Variants in DNALI1 observed in about 807,000 individuals in gnomAD.
DNALI1 encodes the protein dynein axonemal light intermediate chain 1, also known as axonemal dynein light intermediate polypeptide 1.
DNALI1 carries 31 observed loss-of-function variants against 33.9 expected under a neutral mutation model. The ratio of observed to expected loss-of-function variants is 0.91; its 90% CI spans 0.69 to 1.23. The LOEUF (loss-of-function observed/expected upper bound fraction) is 1.23. Ranked by LOEUF, DNALI1 falls within the 50% of genes most tolerant of loss-of-function variation. The pLI is 0.00. For synonymous variants in DNALI1, 117 were observed against 129.2 expected (o/e 0.91, Z 0.64); for missense variants, 305 against 323.8 (o/e 0.94, Z 0.44).
intron 2 of DNALI1, among the ~76,000 whole-genome samples, chr1:37,558,554 T>C (rs1557632156): frequency 6.6e-6 from 1 of 152,216 alleles, no homozygotes; most frequent in African/African-American, 2.4e-5. Flanking sequence ...TCTCCTGTTA[T>C]TCTGTTTCTT....
At position 37,566,576 on chromosome 1, in the gene DNALI1, A is replaced by C. The variant is rs1247040249; in HGVS notation, c.*1515A>C. On this transcript the variant is annotated 3_prime_UTR_variant, in exon 6 of 6. Transcript: ENST00000652629. The stretch of plus-strand genomic sequence containing the variant: ...AACGAAATACCACCCTTTCCATTTT[A>C]TAGACCTCATCCCCTATTTCTGTCA... 1 of 376,232 alleles carries C rather than the reference A, an allele frequency of 2.7e-6. No individual in the cohort carries two copies. Among genetic ancestry groups the C allele is most frequent in the Non-Finnish European group, 4.7e-6 (1 of 211,682 alleles). 23.3% of individuals were successfully genotyped at this position (376,232 alleles called of 1,614,324 possible). A position where few individuals can be genotyped will look rare whatever the true frequency, so the allele number is the denominator to read the frequency against.
chr1:37,561,405 C>T lies in DNALI1; in HGVS notation c.398-152C>T. 1.0e-6 allele frequency: 1 copy of T among 976,520 alleles called. No homozygotes were observed. The highest frequency in any genetic ancestry group is 1.5e-6 in the Non-Finnish European group (1 of 674,608). 60.5% of individuals were successfully genotyped at this position (976,520 alleles called of 1,614,324 possible). On this transcript the variant is annotated intron_variant, in intron 3 of 5. Transcript: ENST00000652629. This position sits in a 1 kb window ranked among gnomAD's most constrained non-coding sequence, Gnocchi z 4.6. ...AAGGCTCTTTGGGCCACTGAAGGCA[C>T]CCTCCCTGAGGCCCTTCTCTGAGGC...
In DNALI1 at chr1:37,557,674, G is replaced by A; in HGVS notation, c.153G>A (p.Lys51=). 2 of 1,614,038 alleles carry A rather than the reference G, an allele frequency of 1.2e-6. No individual in the cohort carries two copies. The highest frequency in any genetic ancestry group is 2.2e-5 in the South Asian group (2 of 91,076). The change falls in exon 2 of 6, where the codon AAG becomes AAA. Residue 51 remains lysine, a synonymous_variant. Coordinates refer to ENST00000652629, the MANE Select transcript of DNALI1 (RefSeq NM_003462.5). Reference sequence around the variant, plus strand: ...CAGCCCCACAGCCACCCAAGACCAAGCTCCCCTCAACTCCCTGTGTCCCAG... The same window carrying A: ...CAGCCCCACAGCCACCCAAGACCAAACTCCCCTCAACTCCCTGTGTCCCAG... ...SGSAPQPPKT[K]LPSTPCVPDP... is the part of the protein sequence containing the mutation.
At chr1:37,563,006 C>A (rs1031680648) in intron 5 of DNALI1, among the ~76,000 whole-genome samples, 1 of 152,232 alleles carries the variant, frequency 6.6e-6, no homozygotes, top group Admixed American at 6.5e-5. Context: ...CAGCAATGTG[C>A]TTTAACAAGG....
chr1:37,559,479 T>C lies in DNALI1; in HGVS notation c.380T>C (p.Leu127Pro). The C allele has an allele frequency of 6.2e-7, 1 of 1,610,044 alleles. No homozygotes were observed. The highest frequency in any genetic ancestry group is 1.1e-5 in the South Asian group (1 of 90,486). The change falls in exon 3 of 6, where the codon CTC becomes CCC. Residue 127 changes from leucine to proline, a missense_variant. Leu to Pro is a moderately conservative substitution (Grantham distance 98, BLOSUM62 -3). Transcript: ENST00000652629. The surrounding 1 kb of genome is among the most constrained non-coding windows in gnomAD (Gnocchi z 5.3). ...ETGICPVRRELYSQCFDELIR... is the reference protein window; with the variant it reads ...ETGICPVRREPYSQCFDELIR... Reference sequence around the variant, plus strand: ...GGCATCTGCCCTGTCCGCAGGGAACTCTACTCACAGTGTTTTGGTGAGTGA... The same window carrying C: ...GGCATCTGCCCTGTCCGCAGGGAACCCTACTCACAGTGTTTTGGTGAGTGA...
intron 5 of DNALI1, among the ~76,000 whole-genome samples, chr1:37,563,836 T>C (rs995763927): frequency 6.6e-6 from 1 of 152,224 alleles, no homozygotes; most frequent in Admixed American, 6.5e-5. Flanking sequence ...GCAGCTTTGC[T>C]GTCCCCAGGA....
At position 37,566,692 on chromosome 1, in the gene DNALI1, C is replaced by T. The variant is rs1451350845; in HGVS notation, c.*1631C>T. ...ACTTTCAGACTCTTATCACTGAAAT[C>T]CTTAAGGTTGAGGAGGCTTTATTTC... On this transcript the variant is annotated 3_prime_UTR_variant, in exon 6 of 6. Transcript: ENST00000652629. The T allele has an allele frequency of 3.1e-6, 2 of 650,022 alleles. No individual in the cohort carries two copies. Among genetic ancestry groups the T allele is most frequent in the African/African-American group, 1.8e-5 (1 of 54,824 alleles). 40.3% of individuals were successfully genotyped at this position (650,022 alleles called of 1,614,324 possible). A position where few individuals can be genotyped will look rare whatever the true frequency, so the allele number is the denominator to read the frequency against.
At position 37,566,576 on chromosome 1, in the gene DNALI1, A is replaced by G. The variant is rs1247040249; in HGVS notation, c.*1515A>G. 1 of 376,232 alleles carries G rather than the reference A, an allele frequency of 2.7e-6. No homozygotes were observed. The highest frequency in any genetic ancestry group is 4.7e-6 in the Non-Finnish European group (1 of 211,682). 23.3% of individuals were successfully genotyped at this position (376,232 alleles called of 1,614,324 possible). A position where few individuals can be genotyped will look rare whatever the true frequency, so the allele number is the denominator to read the frequency against. ...AACGAAATACCACCCTTTCCATTTT[A>G]TAGACCTCATCCCCTATTTCTGTCA... On this transcript the variant is annotated 3_prime_UTR_variant, in exon 6 of 6. Transcript: ENST00000652629.
Position 37,565,398 on chromosome 1 carries a change from CAATACTTATTT to C in DNALI1, c.*338_*348del. 3.9e-6 allele frequency: 1 copy of C among 253,790 alleles called. No homozygotes were observed. Among genetic ancestry groups the C allele is most frequent in the Non-Finnish European group, 7.5e-6 (1 of 133,310 alleles). 15.7% of individuals were successfully genotyped at this position (253,790 alleles called of 1,614,324 possible). On this transcript the variant is annotated 3_prime_UTR_variant, in exon 6 of 6. Coordinates refer to ENST00000652629, the MANE Select transcript of DNALI1 (RefSeq NM_003462.5). The stretch of plus-strand genomic sequence containing the variant: ...CTGCTTTCTCATCATCACTCTATAC[CAATACTTATTT>C]CTGGCCAAATGAATCTGCTTCTCTG...
At position 37,559,475 on chromosome 1, in the gene DNALI1, G is replaced by C. The variant is rs764093326; in HGVS notation, c.376G>C (p.Glu126Gln). 6.2e-7 allele frequency: 1 copy of C among 1,610,768 alleles called. No homozygotes were observed. The highest frequency in any genetic ancestry group is 1.1e-5 in the South Asian group (1 of 90,574). Reference protein sequence around the residue: ...RETGICPVRRELYSQCFDELI... With the variant: ...RETGICPVRRQLYSQCFDELI... Reference sequence around the variant, plus strand: ...AACAGGCATCTGCCCTGTCCGCAGGGAACTCTACTCACAGTGTTTTGGTGA... The same window carrying C: ...AACAGGCATCTGCCCTGTCCGCAGGCAACTCTACTCACAGTGTTTTGGTGA... Residue 126 changes from glutamate (E) to glutamine (Q), a missense_variant, in exon 3 of 6, where the codon GAA (glutamate) becomes CAA (glutamine). Coordinates refer to ENST00000652629, the MANE Select transcript of DNALI1 (RefSeq NM_003462.5). This position sits in a 1 kb window ranked among gnomAD's most constrained non-coding sequence, Gnocchi z 5.3.
At chr1:37,558,612 G>A (rs1643400278) in intron 2 of DNALI1, among the ~76,000 whole-genome samples, 1 of 152,132 alleles carries the variant, frequency 6.6e-6, no homozygotes, top group Non-Finnish European at 1.5e-5. Flanking sequence ...TTTCTGAAAT[G>A]CCTCATTCAC....
chr1:37,565,076 T>C lies in DNALI1; in HGVS notation c.*15T>C. 6.2e-7 allele frequency: 1 copy of C among 1,614,144 alleles called. No homozygotes were observed. Among genetic ancestry groups the C allele is most frequent in the Non-Finnish European group, 8.5e-7 (1 of 1,179,984 alleles). On this transcript the variant is annotated 3_prime_UTR_variant, in exon 6 of 6. Transcript: ENST00000652629. ...CAAAGAAGTGATAATTTCCACATGA[T>C]TAATTTCCAACAAGACACTTGGGAG...
Position 37,559,277 on chromosome 1 carries a change from G to T in DNALI1, c.228-50G>T. 1 of 1,532,136 alleles carries T rather than the reference G, an allele frequency of 6.5e-7. No homozygotes were observed. The allele number at this position is 1,532,136 out of a possible 1,614,324, so 94.9% of individuals were successfully genotyped here. On this transcript the variant is annotated intron_variant, in intron 2 of 5. Transcript: ENST00000652629. The surrounding 1 kb of genome is among the most constrained non-coding windows in gnomAD (Gnocchi z 5.3). ...CAAAGGGCCCTCTGCTCATGTGCTAGGGACCTTCAAGTCAACGGGTTTTGC... is the reference window on the plus strand; with the variant it reads ...CAAAGGGCCCTCTGCTCATGTGCTATGGACCTTCAAGTCAACGGGTTTTGC...
At position 37,561,664 on chromosome 1, in the gene DNALI1, G is replaced by A. The variant is rs140823500; in HGVS notation, c.505G>A (p.Glu169Lys). 31 of 1,614,030 alleles carry A rather than the reference G, an allele frequency of 1.9e-5. No homozygotes were observed. The highest frequency in any genetic ancestry group is 4.0e-5 in the African/African-American group (3 of 74,932). Reference sequence around the variant, plus strand: ...CATCGCTGCCTACCAGACCCTGTACGAGAGCAGCGTGGCGTTTGGCATGAG... The same window carrying A: ...CATCGCTGCCTACCAGACCCTGTACAAGAGCAGCGTGGCGTTTGGCATGAG... ...MTIAAYQTLYESSVAFGMRKA... is the reference protein window; with the variant it reads ...MTIAAYQTLYKSSVAFGMRKA... The change falls in exon 4 of 6, where the codon GAG becomes AAG. Residue 169 changes from glutamate (E) to lysine (K), a missense_variant. By Grantham distance (56) the Glu-to-Lys change is moderately conservative (BLOSUM62 1). Coordinates refer to ENST00000652629, the MANE Select transcript of DNALI1 (RefSeq NM_003462.5). This position sits in a 1 kb window ranked among gnomAD's most constrained non-coding sequence, Gnocchi z 4.6.
At position 37,561,859 on chromosome 1, in the gene DNALI1, ACTTGCAT is replaced by A. The variant is rs1643443617; in HGVS notation, c.576+126_576+132del. 4 of 1,401,496 alleles carry A rather than the reference ACTTGCAT, an allele frequency of 2.9e-6. No homozygotes were observed. The highest frequency in any genetic ancestry group is 3.9e-6 in the Non-Finnish European group (4 of 1,034,770). 86.8% of individuals were successfully genotyped at this position (1,401,496 alleles called of 1,614,324 possible). A position where few individuals can be genotyped will look rare whatever the true frequency, so the allele number is the denominator to read the frequency against. ...CTCTGCTGACAGTCACGACACCTGG[ACTTGCAT>A]CACCTCAGTGAGGGACCCCTGGTTG... On this transcript the variant is annotated intron_variant, in intron 4 of 5. Transcript: ENST00000652629. This position sits in a 1 kb window ranked among gnomAD's most constrained non-coding sequence, Gnocchi z 4.6.
In DNALI1 at chr1:37,561,756, C is replaced by T; in HGVS notation, c.576+21C>T. 3 of 1,606,424 alleles carry T rather than the reference C, an allele frequency of 1.9e-6. No individual in the cohort carries two copies. The highest frequency in any genetic ancestry group is 1.1e-5 in the South Asian group (1 of 90,448). ...GGAAAGTGAGTGGGGTTTACCGTGA[C>T]CCTTGGTCCCATCTCTTCTGTAAAC... On this transcript the variant is annotated intron_variant, in intron 4 of 5. Transcript: ENST00000652629. This position sits in a 1 kb window ranked among gnomAD's most constrained non-coding sequence, Gnocchi z 4.6.
chr1:37,561,777 TA>T lies in DNALI1; in HGVS notation c.576+45del, dbSNP rs1643442766. 3 of 1,592,502 alleles carry T rather than the reference TA, an allele frequency of 1.9e-6. No individual in the cohort carries two copies. Among genetic ancestry groups the T allele is most frequent in the African/African-American group, 1.3e-5 (1 of 74,758 alleles). On this transcript the variant is annotated intron_variant, in intron 4 of 5. Transcript: ENST00000652629. The surrounding 1 kb of genome is among the most constrained non-coding windows in gnomAD (Gnocchi z 4.6). Reference sequence around the variant, plus strand: ...GTGACCCTTGGTCCCATCTCTTCTGTAAACCTCAGGGCCACATGCTTATCAT... The same window carrying T: ...GTGACCCTTGGTCCCATCTCTTCTGTAACCTCAGGGCCACATGCTTATCAT...
Position 37,561,487 on chromosome 1 carries a change from T to C in DNALI1, c.398-70T>C. The C allele has an allele frequency of 6.5e-7, 1 of 1,537,880 alleles. No individual in the cohort carries two copies. The highest frequency in any genetic ancestry group is 8.9e-7 in the Non-Finnish European group (1 of 1,128,356). Reference sequence around the variant, plus strand: ...AATGTCCTTCCCAAGAGGAAGGGTGTTTGCAGTAGACATACTGCAAGCCCC... The same window carrying C: ...AATGTCCTTCCCAAGAGGAAGGGTGCTTGCAGTAGACATACTGCAAGCCCC... On this transcript the variant is annotated intron_variant, in intron 3 of 5. Transcript: ENST00000652629. This position sits in a 1 kb window ranked among gnomAD's most constrained non-coding sequence, Gnocchi z 4.6.
intron 1 of DNALI1, among the ~76,000 whole-genome samples, chr1:37,557,386 G>T (rs762278087): frequency 1.3e-5 from 2 of 152,178 alleles, no homozygotes; most frequent in Non-Finnish European, 2.9e-5. Flanking sequence ...AGGTGTGAAA[G>T]CACATGCGCC....
Sources: gnomAD v4.1 joint callset for allele counts (sites outside exome capture counted in the v4.1 genomes callset) on GRCh38, gnomAD v4.1.1 for gene constraint, Gnocchi (gnomAD v3.1) non-coding constraint, MANE v1.5 for transcripts, NCBI Gene and HGNC (gene_info 2026-07-23, HGNC 2026-07-21) for gene names.